OXR1: variants seen among roughly 807,000 people sequenced by gnomAD.
The protein encoded by OXR1 is oxidation resistance 1.
OXR1 carries 41 observed loss-of-function variants against 104.6 expected under a neutral mutation model. The ratio of observed to expected loss-of-function variants is 0.39; its 90% CI spans 0.31 to 0.51. The LOEUF is 0.51. Among genes scored for constraint, OXR1 ranks in the 20% least tolerant of loss-of-function variants. The pLI is 0.77. For synonymous variants in OXR1, 348 were observed against 348.4 expected (o/e 1.00, Z 0.01); for missense variants, 955 against 1,031.9 (o/e 0.93, Z 1.02).
intron 1 of OXR1, among the ~76,000 whole-genome samples, chr8:106,298,065 C>CTTAT (rs1273196691): frequency 6.6e-6 from 1 of 152,072 alleles, no homozygotes. Flanking sequence ...AGCAATTTTT[C>CTTAT]TTATAATAAG....
At chr8:106,459,410 G>A (rs1820785149) in intron 2 of OXR1, among the ~76,000 whole-genome samples, 1 of 151,962 alleles carries the variant, frequency 6.6e-6, no homozygotes, top group Non-Finnish European at 1.5e-5. Context: ...GGACTTCCCA[G>A]CCTCCAGAAC....
At chr8:106,347,918 A>G (rs945249059) in intron 1 of OXR1, among the ~76,000 whole-genome samples, 1 of 152,220 alleles carries the variant, frequency 6.6e-6, no homozygotes, top group Non-Finnish European at 1.5e-5. Flanking sequence ...AAACCGTAAC[A>G]TGAGTTTTCT....
intron 3 of OXR1, among the ~76,000 whole-genome samples, chr8:106,621,010 C>T (rs1356085661): frequency 2.6e-5 from 4 of 152,080 alleles, no homozygotes; most frequent in African/African-American, 9.7e-5. Context: ...TTTAAATTAT[C>T]ATTGGAAATG....
At chr8:106,423,353 C>A (rs1818979917) in intron 2 of OXR1, among the ~76,000 whole-genome samples, 1 of 152,118 alleles carries the variant, frequency 6.6e-6, no homozygotes, top group Non-Finnish European at 1.5e-5. Flanking sequence ...TTTGACCATC[C>A]TACTTTATCA....
intron 2 of OXR1, among the ~76,000 whole-genome samples, chr8:106,409,771 T>G (rs1818388134): frequency 1.3e-5 from 2 of 152,174 alleles, no homozygotes. Context: ...TTTGACTTTC[T>G]TTTCTGGAGT....
At chr8:106,321,908 A>G (rs1283979715) in intron 1 of OXR1, among the ~76,000 whole-genome samples, 1 of 152,230 alleles carries the variant, frequency 6.6e-6, no homozygotes, top group Non-Finnish European at 1.5e-5. Context: ...TTGTCATGAC[A>G]TCTCTTAATA....
intron 3 of OXR1, among the ~76,000 whole-genome samples, chr8:106,579,545 T>A (rs1051948419): frequency 6.6e-6 from 1 of 152,198 alleles, no homozygotes; most frequent in African/African-American, 2.4e-5. Flanking sequence ...GGGACTGAGC[T>A]TGCTGGCTCT....
intron 7 of OXR1, among the ~76,000 whole-genome samples, chr8:106,696,652 C>T (rs1415815940): frequency 6.6e-6 from 1 of 152,172 alleles, no homozygotes; most frequent in African/African-American, 2.4e-5. Flanking sequence ...TTCAGCCGTT[C>T]TAATAGATCC....
chr8:106,696,091 A>G (rs909585492), intron 7 of OXR1, among the ~76,000 whole-genome samples: 1 of 152,194 alleles, frequency 6.6e-6, no homozygotes, highest in African/African-American at 2.4e-5. Flanking sequence ...CATTGGGCTG[A>G]AAATCCTCTA....
intron 2 of OXR1, among the ~76,000 whole-genome samples, chr8:106,435,327 C>T (rs1462509447): frequency 6.6e-6 from 1 of 152,062 alleles, no homozygotes; most frequent in Non-Finnish European, 1.5e-5. Context: ...CCTTACTTGC[C>T]GACCTTACTG....
chr8:106,390,803 T>C (rs1817561056), intron 2 of OXR1, among the ~76,000 whole-genome samples: 1 of 152,168 alleles, frequency 6.6e-6, no homozygotes, highest in South Asian at 2.1e-4. Flanking sequence ...TAAGTCAATA[T>C]GTATAGATTA....
chr8:106,273,253 AAAAG>A (rs1331383240), intron 1 of OXR1, among the ~76,000 whole-genome samples: 1 of 152,160 alleles, frequency 6.6e-6, no homozygotes, highest in African/African-American at 2.4e-5. Context: ...AGAAAAAAAA[AAAAG>A]AAGAAGAAGA....
chr8:106,640,972 T>C (rs1417944716), intron 3 of OXR1, among the ~76,000 whole-genome samples: 5 of 152,258 alleles, frequency 3.3e-5, no homozygotes, highest in Non-Finnish European at 7.3e-5. Context: ...AGAAATTCAC[T>C]GAGGTAAAAC....
intron 2 of OXR1, among the ~76,000 whole-genome samples, chr8:106,484,907 T>C (rs1822354905): frequency 6.6e-6 from 1 of 152,100 alleles, no homozygotes; most frequent in African/African-American, 2.4e-5. Context: ...TTTATAATTA[T>C]CAAAATTTGG....
At chr8:106,302,252 A>G (rs1358907726) in intron 1 of OXR1, among the ~76,000 whole-genome samples, 4 of 152,180 alleles carry the variant, frequency 2.6e-5, no homozygotes, top group African/African-American at 9.7e-5. Context: ...CAGTTTAATA[A>G]GTTTCATAGT....
At chr8:106,608,862 C>G (rs986248405) in intron 3 of OXR1, among the ~76,000 whole-genome samples, 1 of 152,160 alleles carries the variant, frequency 6.6e-6, no homozygotes, top group Non-Finnish European at 1.5e-5. Flanking sequence ...GGGTTTATAT[C>G]GTCCTACTCT....
chr8:106,408,400 T>A (rs6985905), intron 2 of OXR1, among the ~76,000 whole-genome samples: 34,546 of 152,002 alleles, frequency 0.23, 5,576 homozygotes, highest in African/African-American at 0.44. Flanking sequence ...TCTTTGATGG[T>A]GAGACTTCTC....
chr8:106,553,747 C>T, intron 3 of OXR1, among the ~76,000 whole-genome samples: 1 of 152,132 alleles, frequency 6.6e-6, no homozygotes, highest in East Asian at 1.9e-4. Context: ...CCATAAACTT[C>T]ACTTCTTGCC....
intron 8 of OXR1, 84 bp downstream of exon 8, chr8:106,703,174 G>T: frequency 1.2e-6 from 1 of 803,994 alleles, no homozygotes; most frequent in Non-Finnish European, 1.9e-6. Context: ...ATTTTTACTA[G>T]TTTTCTTATA....
Sources: allele counts gnomAD v4.1 joint callset (sites outside exome capture counted in the v4.1 genomes callset), GRCh38; gene constraint gnomAD v4.1.1; transcripts MANE v1.5; gene names NCBI Gene and HGNC (gene_info 2026-07-23, HGNC 2026-07-21).